GLIS3: variants seen among roughly 807,000 people sequenced by gnomAD.
GLIS3 encodes the protein zinc finger protein GLIS3.
Under a neutral mutation model 78.6 loss-of-function variants are expected in GLIS3, and 53 were observed. The ratio of observed to expected loss-of-function variants is 0.67; its 90% CI spans 0.54 to 0.85. GLIS3 has a LOEUF of 0.85. Ranked by LOEUF, GLIS3 falls within the 40% of genes least tolerant of loss-of-function variation. GLIS3 has a pLI of 0.00. For synonymous variants in GLIS3, 684 were observed against 509.9 expected, an observed-to-expected ratio of 1.34 and a Z score of -4.60; for missense variants, 1,703 against 1,231.1, an observed-to-expected ratio of 1.38 and a Z score of -5.74.
the GLIS3 span, among the ~76,000 whole-genome samples, chr9:4,365,811 T>C: frequency 1.2e-3 from 181 of 152,358 alleles, no homozygotes; most frequent in Non-Finnish European, 1.9e-3. Context: ...ACATCTAAAA[T>C]GTCACCACCA....
chr9:4,443,039 C>T, the GLIS3 span, among the ~76,000 whole-genome samples: 211 of 152,266 alleles, frequency 1.4e-3, 3 homozygotes, highest in African/African-American at 3.8e-3. Flanking sequence ...AAGCATTTGC[C>T]AGGATGTAGA....
chr9:4,088,272 T>A (rs1829213498), intron 4 of GLIS3, among the ~76,000 whole-genome samples: 1 of 152,246 alleles, frequency 6.6e-6, no homozygotes, highest in African/African-American at 2.4e-5. Context: ...GGAGAAGGCA[T>A]TGGTTTTTAT....
chr9:4,020,466 C>T (rs189053553), intron 4 of GLIS3, among the ~76,000 whole-genome samples: 9 of 152,244 alleles, frequency 5.9e-5, no homozygotes, highest in Non-Finnish European at 1.0e-4. Flanking sequence ...TACCCAAACA[C>T]CTGGTCAATT....
chr9:4,267,944 CCTGTGTGTGT>C (rs796915869), intron 2 of GLIS3, among the ~76,000 whole-genome samples: 1,765 of 149,840 alleles, frequency 0.012, 17 homozygotes, highest in Non-Finnish European at 0.016. Flanking sequence ...TATAAAAATA[CCTGTGTGTGT>C]GTGTGTGTGT....
chr9:3,935,355 A>T (rs1228679064), intron 5 of GLIS3, among the ~76,000 whole-genome samples: 1 of 152,188 alleles, frequency 6.6e-6, no homozygotes, highest in Non-Finnish European at 1.5e-5. Flanking sequence ...CAAAAAAAAT[A>T]GCTGAGTTTT....
rs576240663 is a variant in GLIS3, at chr9:3,894,240, T to C, written c.2128+4451A>G. ...GCATTTTTATAATGCTCTATGTCTT[T>C]TTAAAGACTTTCATATAGTTACGTT... On this transcript the variant is annotated intron_variant, in intron 7 of 10. Coordinates refer to ENST00000381971, the MANE Select transcript of GLIS3 (RefSeq NM_001042413.2). 7.2e-5 allele frequency among the ~76,000 whole-genome samples: 11 copies of C among 152,360 alleles called. No homozygotes were observed. The South Asian group carries it at 2.3e-3, about 32-fold the overall frequency.
chr9:4,302,844 G>A (rs962745877), upstream of GLIS3, among the ~76,000 whole-genome samples: 1 of 152,204 alleles, frequency 6.6e-6, no homozygotes, highest in Non-Finnish European at 1.5e-5. Context: ...GAGGAGGCAG[G>A]AATAATTTCC....
At chr9:4,341,183 T>C (rs1214563663) in intron 2 of GLIS3, among the ~76,000 whole-genome samples, 1 of 152,232 alleles carries the variant, frequency 6.6e-6, no homozygotes, top group Non-Finnish European at 1.5e-5. Flanking sequence ...TGTGCAATAC[T>C]CTCTAGGACA....
chr9:4,033,533 C>T (rs548040162), intron 4 of GLIS3, among the ~76,000 whole-genome samples: 1 of 152,166 alleles, frequency 6.6e-6, no homozygotes, highest in East Asian at 1.9e-4. Flanking sequence ...TGGAGAAGGG[C>T]CAGAATAGGG....
intron 4 of GLIS3, among the ~76,000 whole-genome samples, chr9:4,033,854 A>T (rs1824066881): frequency 8.2e-6 from 1 of 121,952 alleles, no homozygotes; most frequent in Non-Finnish European, 1.7e-5. Flanking sequence ...CCAAAAACAT[A>T]GGCGAAGGAT....
intron 2 of GLIS3, among the ~76,000 whole-genome samples, chr9:4,324,874 A>T: frequency 6.6e-6 from 1 of 152,194 alleles, no homozygotes; most frequent in South Asian, 2.1e-4. Flanking sequence ...CTTGCTTTAA[A>T]ACCTAAAAGT....
chr9:3,997,575 A>G (rs762839271), intron 4 of GLIS3, among the ~76,000 whole-genome samples: 3 of 152,090 alleles, frequency 2.0e-5, no homozygotes, highest in African/African-American at 7.2e-5. Flanking sequence ...TTAAAAATAT[A>G]TACATCATGA....
the GLIS3 span, among the ~76,000 whole-genome samples, chr9:4,444,623 T>G: frequency 6.6e-6 from 1 of 152,234 alleles, no homozygotes; most frequent in Non-Finnish European, 1.5e-5. Context: ...CCGATTATCA[T>G]GAAGAAAGCA....
the GLIS3 span, among the ~76,000 whole-genome samples, chr9:4,412,346 G>A: frequency 6.6e-6 from 1 of 152,178 alleles, no homozygotes; most frequent in African/African-American, 2.4e-5. Context: ...ACCTTAGACT[G>A]GCGCCTAAGT....
At chr9:3,911,703 A>G (rs1824166616) in intron 6 of GLIS3, among the ~76,000 whole-genome samples, 1 of 152,116 alleles carries the variant, frequency 6.6e-6, no homozygotes. Flanking sequence ...TCTTTACCTT[A>G]GTTTTCTTTG....
At chr9:4,485,994 T>C in the GLIS3 span, among the ~76,000 whole-genome samples, 1 of 152,342 alleles carries the variant, frequency 6.6e-6, no homozygotes, top group Non-Finnish European at 1.5e-5. Context: ...AGAGGTGGGA[T>C]TACAGGCGTG....
intron 9 of GLIS3, among the ~76,000 whole-genome samples, chr9:3,852,608 T>G (rs1819504438): frequency 6.6e-6 from 1 of 152,242 alleles, no homozygotes; most frequent in Non-Finnish European, 1.5e-5. Context: ...AATTTTGTCC[T>G]TACCCTGAAG....
rs530065936 is a variant in GLIS3 at position 3,895,431 on chromosome 9, G to A, written c.2128+3260C>T. ...ACAACACTGCTCTCAGGTGAGCTCA[G>A]GAGCAGGCTTGGGGAGGCCTGGGAT... On this transcript the variant is annotated intron_variant, in intron 7 of 10. Transcript: ENST00000381971. Among the ~76,000 whole-genome samples, 20 of 152,310 alleles carry A rather than the reference G, an allele frequency of 1.3e-4. No individual in the cohort carries two copies. In the South Asian group the frequency reaches 3.9e-3, roughly 30 times the overall value.
intron 4 of GLIS3, among the ~76,000 whole-genome samples, chr9:4,043,357 G>GT (rs980619080): frequency 4.6e-5 from 7 of 152,116 alleles, no homozygotes; most frequent in African/African-American, 1.7e-4. Flanking sequence ...GGTACACTGA[G>GT]TTTTTTATGT....
Sources: allele counts gnomAD v4.1 joint callset (sites outside exome capture counted in the v4.1 genomes callset), GRCh38; gene constraint gnomAD v4.1.1; transcripts MANE v1.5; gene names NCBI Gene and HGNC (gene_info 2026-07-23, HGNC 2026-07-21).